MRPL46: variants seen among roughly 807,000 people sequenced by gnomAD.
MRPL46 encodes the protein mitochondrial ribosomal protein L46.
Under a neutral mutation model 31.0 loss-of-function variants are expected in MRPL46, and 26 were observed. The observed-to-expected ratio is 0.84, with a 90% CI of 0.61 to 1.16. The LOEUF (loss-of-function observed/expected upper bound fraction) is 1.16, where lower values mean the gene tolerates loss of function less well. Ranked by LOEUF, MRPL46 falls within the 50% of genes most tolerant of loss-of-function variation. The pLI is 0.00. For missense variants in MRPL46, 395 were observed against 340.0 expected (o/e 1.16, Z -1.27); for synonymous variants, 159 against 141.3 (o/e 1.13, Z -0.89).
rs930531515 is a variant in MRPL46 at position 88,467,351 on chromosome 15, C to G, written c.27G>C (p.Leu9=). The G allele has an allele frequency of 3.1e-6, 5 of 1,593,684 alleles. No homozygotes were observed. Among genetic ancestry groups the G allele is most frequent in the Non-Finnish European group, 4.3e-6 (5 of 1,169,836 alleles). The change falls in exon 1 of 4, where the codon CTG becomes CTC. Residue 9 remains leucine, a synonymous_variant. Coordinates refer to ENST00000312475, the MANE Select transcript of MRPL46 (RefSeq NM_022163.4). Reference sequence around the variant, plus strand: ...GCCGCCAACCCCCCGCCACCCCTAACAGCGTCCGCCTTACGGGCGCCGCCA... The same window carrying G: ...GCCGCCAACCCCCCGCCACCCCTAAGAGCGTCCGCCTTACGGGCGCCGCCA... MAAPVRRT[L]LGVAGGWRRF... is the part of the protein sequence containing the mutation.
chr15:88,464,454 C>A, intron 3 of MRPL46: 1 of 430,016 alleles, frequency 2.3e-6, no homozygotes, highest in Non-Finnish European at 4.1e-6. Flanking sequence ...GTAGAAATAT[C>A]AATTTTGAAT....
intron 1 of MRPL46, among the ~76,000 whole-genome samples, chr15:88,466,641 G>A (rs2055538446): frequency 6.6e-6 from 1 of 152,336 alleles, no homozygotes; most frequent in South Asian, 2.1e-4. Context: ...AAACATCTCG[G>A]ATTCTGAGGA....
chr15:88,467,137 A>G lies in MRPL46; in HGVS notation c.228+13T>C. ...GAATAAACGTCACTCTGAACCCTGC[A>G]TCTCAGTCCCACCTGCTGCAGTAGA... On this transcript the variant is annotated intron_variant, in intron 1 of 3. Transcript: ENST00000312475. 6.2e-7 allele frequency: 1 copy of G among 1,611,918 alleles called. No homozygotes were observed. Among genetic ancestry groups the G allele is most frequent in the Non-Finnish European group, 8.5e-7 (1 of 1,178,182 alleles).
chr15:88,466,834 C>T (rs531749740), intron 1 of MRPL46, among the ~76,000 whole-genome samples: 2 of 152,296 alleles, frequency 1.3e-5, no homozygotes, highest in South Asian at 4.1e-4. Context: ...TCTTAACATT[C>T]ATCACATCAC....
At chr15:88,464,613 C>G in intron 3 of MRPL46, 90 bp downstream of exon 3, 1 of 1,144,754 alleles carries the variant, frequency 8.7e-7, no homozygotes, top group African/African-American at 1.6e-5. Context: ...CCCACCCCCA[C>G]CCTTAATCCA....
At position 88,464,888 on chromosome 15, in the gene MRPL46, G is replaced by A. The variant is rs373337282; in HGVS notation, c.416-12C>T. 1.2e-6 allele frequency: 2 copies of A among 1,610,612 alleles called. No individual in the cohort carries two copies. Among genetic ancestry groups the A allele is most frequent in the Non-Finnish European group, 1.7e-6 (2 of 1,178,310 alleles). ...CTTTTCATCAGCTTCTACAGCAAAG[G>A]GGGTCAGAGGAGGTAAGAAGACTGT... On this transcript the variant is annotated splice_polypyrimidine_tract_variant and intron_variant, in intron 2 of 3. Coordinates refer to ENST00000312475, the MANE Select transcript of MRPL46 (RefSeq NM_022163.4).
At chr15:88,460,602 T>C (rs1247401726) in intron 3 of MRPL46, 1 of 152,248 alleles carries the variant, frequency 6.6e-6, no homozygotes, top group Non-Finnish European at 1.5e-5. Context: ...CAAGCTGGAT[T>C]CCATACTCAG....
intron 3 of MRPL46, chr15:88,460,131 T>C: frequency 2.2e-6 from 1 of 456,328 alleles, no homozygotes; most frequent in Non-Finnish European, 4.0e-6. Context: ...ACAGTTACAA[T>C]CACACCTGGG....
intron 3 of MRPL46, chr15:88,461,271 T>C (rs2055474910): frequency 6.6e-6 from 1 of 152,144 alleles, no homozygotes; most frequent in African/African-American, 2.4e-5. Flanking sequence ...AGGAATATCT[T>C]AAGGTATAAG....
In MRPL46 at chr15:88,460,007, C is replaced by T. The variant is rs979158340; in HGVS notation, c.590-144G>A. The T allele has an allele frequency of 7.8e-6, 8 of 1,025,338 alleles. No homozygotes were observed. The African/African-American group carries it at 1.3e-4, about 17-fold the overall frequency. The allele number at this position is 1,025,338 out of a possible 1,614,324, so 63.5% of individuals were successfully genotyped here. ...CCTAGGAATAGGACTAGAGCCATTCCTGAAAAGAGGCTCCTCCCCTCTCAA... is the reference window on the plus strand; with the variant it reads ...CCTAGGAATAGGACTAGAGCCATTCTTGAAAAGAGGCTCCTCCCCTCTCAA... On this transcript the variant is annotated intron_variant, in intron 3 of 3. Coordinates refer to ENST00000312475, the MANE Select transcript of MRPL46 (RefSeq NM_022163.4).
intron 3 of MRPL46, chr15:88,460,263 G>A (rs558209903): frequency 5.0e-6 from 1 of 199,790 alleles, no homozygotes; most frequent in East Asian, 1.3e-4. Flanking sequence ...GTCGCTATCT[G>A]TTGGCGAATC....
intron 2 of MRPL46, chr15:88,465,199 G>T: frequency 4.9e-6 from 2 of 408,078 alleles, no homozygotes; most frequent in Non-Finnish European, 4.3e-6. Context: ...GACTTAACTA[G>T]CCCCTACTTT....
At chr15:88,466,909 G>A (rs1392951016) in intron 1 of MRPL46, among the ~76,000 whole-genome samples, 1 of 152,162 alleles carries the variant, frequency 6.6e-6, no homozygotes, top group African/African-American at 2.4e-5. Context: ...TTCACCACAG[G>A]ATCCCTATTG....
rs778323638 is a variant in MRPL46, at chr15:88,467,334, C to T, written c.44G>A (p.Gly15Asp). ...CCAGAGCCTCTCGAACCGCCGCCAA[C>T]CCCCCGCCACCCCTAACAGCGTCCG... The part of the protein sequence containing the change: ...VRRTLLGVAG[G>D]WRRFERLWAG... The change falls in exon 1 of 4, where the codon GGT (glycine) becomes GAT (aspartate). Residue 15 changes from glycine to aspartate, a missense_variant. Physicochemically the swap from Gly to Asp is moderately conservative, Grantham distance 94. Coordinates refer to ENST00000312475, the MANE Select transcript of MRPL46 (RefSeq NM_022163.4). 4 of 1,601,680 alleles carry T rather than the reference C, an allele frequency of 2.5e-6. No homozygotes were observed. The highest frequency in any genetic ancestry group is 4.6e-5 in the East Asian group (2 of 43,862).
intron 3 of MRPL46, chr15:88,461,235 A>G (rs1367925993): frequency 6.6e-6 from 1 of 152,238 alleles, no homozygotes; most frequent in Non-Finnish European, 1.5e-5. Flanking sequence ...ACAAACTAGG[A>G]AAAATATTTT....
rs763119816 is a variant in MRPL46 at position 88,467,365 on chromosome 15, C to A, written c.13G>T (p.Val5Leu). ...GCCACCCCTAACAGCGTCCGCCTTA[C>A]GGGCGCCGCCATCTTTCGTTCTCCC... MAAP[V>L]RRTLLGVAGG... Residue 5 changes from valine to leucine, a missense_variant, in exon 1 of 4, where the codon GTA becomes TTA. By Grantham distance (32) the Val-to-Leu change is conservative. Transcript: ENST00000312475. 6 of 1,577,186 alleles carry A rather than the reference C, an allele frequency of 3.8e-6. No homozygotes were observed. In the South Asian group the frequency reaches 5.7e-5, roughly 15 times the overall value.
intron 3 of MRPL46, 159 bp from the exon 4 acceptor site, chr15:88,460,022 TC>T: frequency 7.9e-6 from 7 of 884,118 alleles, no homozygotes; most frequent in Non-Finnish European, 1.0e-5. Context: ...AAGAGGCTCC[TC>T]CCCTCTCAAT....
intron 3 of MRPL46, chr15:88,462,010 C>T (rs1407647198): frequency 2.0e-5 from 3 of 152,182 alleles, no homozygotes; most frequent in Non-Finnish European, 4.4e-5. Flanking sequence ...ATTTATGCAT[C>T]TGTATATGCA....
intron 3 of MRPL46, chr15:88,462,437 TACAA>T (rs1298391684): frequency 6.6e-6 from 1 of 152,154 alleles, no homozygotes; most frequent in East Asian, 1.9e-4. Flanking sequence ...AAAGAAGAAG[TACAA>T]ACAGCCAATA....
Sources: allele counts gnomAD v4.1 joint callset (sites outside exome capture counted in the v4.1 genomes callset), GRCh38; gene constraint gnomAD v4.1.1; transcripts MANE v1.5; gene names NCBI Gene and HGNC (gene_info 2026-07-23, HGNC 2026-07-21).